BUD13: variants seen among roughly 807,000 people sequenced by gnomAD.
BUD13 encodes BUD13 homolog.
Under a neutral mutation model 62.5 loss-of-function variants are expected in BUD13, and 47 were observed. The observed-to-expected ratio is 0.75, with a 90% CI of 0.60 to 0.96. BUD13 has a LOEUF of 0.96. Ranked by LOEUF, BUD13 falls within the 40% of genes least tolerant of loss-of-function variation. The pLI is 0.00. For synonymous variants in BUD13, 293 were observed against 280.1 expected (o/e 1.05, Z -0.46); for missense variants, 821 against 790.9 (o/e 1.04, Z -0.46).
chr11:116,765,461 A>C lies in BUD13; in HGVS notation c.238-15T>G. The stretch of plus-strand genomic sequence containing the variant: ...AACTCTGCCACCTGTGAGAGTAAAG[A>C]TTTCCTATCTTAGGAAATCCACAGG... On this transcript the variant is annotated splice_polypyrimidine_tract_variant and intron_variant, in intron 2 of 9. Coordinates refer to ENST00000260210, the MANE Select transcript of BUD13 (RefSeq NM_032725.4). 6.2e-7 allele frequency: 1 copy of C among 1,613,948 alleles called. No homozygotes were observed. The highest frequency in any genetic ancestry group is 8.5e-7 in the Non-Finnish European group (1 of 1,179,836).
rs750963365 is a variant in BUD13, at chr11:116,757,866, G to C, written c.1584C>G (p.Asp528Glu). The change falls in exon 8 of 10, where the codon GAC becomes GAG. Residue 528 changes from aspartate to glutamate, a missense_variant. By Grantham distance (45) the Asp-to-Glu change is conservative. Coordinates refer to ENST00000260210, the MANE Select transcript of BUD13 (RefSeq NM_032725.4). Reference protein sequence around the residue: ...MQKPLARYIDDEDLDRMLREQ... With the variant: ...MQKPLARYIDEEDLDRMLREQ... ...CTCTTAGCATCCTATCCAGATCTTC[G>C]TCATCAATATAGCGGGCCAGAGGCT... 4 of 1,614,046 alleles carry C rather than the reference G, an allele frequency of 2.5e-6. No homozygotes were observed. The highest frequency in any genetic ancestry group is 3.4e-6 in the Non-Finnish European group (4 of 1,180,024).
In BUD13 at chr11:116,762,732, T is replaced by C; in HGVS notation, c.857A>G (p.Lys286Arg). 6.2e-7 allele frequency: 1 copy of C among 1,614,192 alleles called. No homozygotes were observed. The highest frequency in any genetic ancestry group is 2.2e-5 in the East Asian group (1 of 44,874). ...PNVTYSLPRTKSGKAPERASS... is the reference protein window; with the variant it reads ...PNVTYSLPRTRSGKAPERASS... ...GGCTCTTTCTGGGGCTTTACCACTT[T>C]TGGTTCTGGGCAGGGAATAAGTGAC... Residue 286 changes from lysine to arginine, a missense_variant, in exon 4 of 10, where the codon AAA becomes AGA. Transcript: ENST00000260210.
At chr11:116,768,681 C>T (rs1187611236) in intron 2 of BUD13, among the ~76,000 whole-genome samples, 4 of 152,064 alleles carry the variant, frequency 2.6e-5, no homozygotes, top group African/African-American at 9.7e-5. Context: ...TACTAGCAAG[C>T]CCTCTTTTAA....
intron 2 of BUD13, among the ~76,000 whole-genome samples, chr11:116,766,469 T>C (rs1940531175): frequency 6.6e-6 from 1 of 152,200 alleles, no homozygotes; most frequent in Non-Finnish European, 1.5e-5. Context: ...TAACCCAGTT[T>C]TGAGATCTCT....
intron 1 of BUD13, among the ~76,000 whole-genome samples, chr11:116,772,297 T>C (rs1345782276): frequency 1.3e-5 from 2 of 152,252 alleles, no homozygotes; most frequent in African/African-American, 4.8e-5. Flanking sequence ...GAGGCTTAAA[T>C]AAACTTATAT....
chr11:116,757,622 G>T, intron 8 of BUD13, 144 bp downstream of exon 8: 3 of 1,118,094 alleles, frequency 2.7e-6, no homozygotes, highest in Non-Finnish European at 3.8e-6. Flanking sequence ...TATATAGAAA[G>T]ACCAATTGAG....
At chr11:116,752,924 C>G (rs1016085293) in intron 9 of BUD13, among the ~76,000 whole-genome samples, 10 of 152,176 alleles carry the variant, frequency 6.6e-5, no homozygotes, top group African/African-American at 2.4e-4. Context: ...CGCCACCACA[C>G]CTGGCTGTTG....
At chr11:116,758,200 T>C in intron 7 of BUD13, 69 bp downstream of exon 7, 2 of 1,587,966 alleles carry the variant, frequency 1.3e-6, no homozygotes, top group Non-Finnish European at 1.7e-6. Context: ...AAGTGAGTGA[T>C]CAGAAGAGCA....
intron 9 of BUD13, among the ~76,000 whole-genome samples, chr11:116,751,114 G>A (rs554363516): frequency 2.0e-5 from 3 of 152,228 alleles, no homozygotes; most frequent in South Asian, 2.1e-4. Context: ...CTTCCTTTGT[G>A]CTCCCAAAAC....
rs763973855 is a variant in BUD13, at chr11:116,770,218, G to T, written c.148C>A (p.Arg50=). 6 of 1,609,222 alleles carry T rather than the reference G, an allele frequency of 3.7e-6. No homozygotes were observed. In the South Asian group the frequency reaches 4.4e-5, roughly 12 times the overall value. Reference sequence around the variant, plus strand: ...CAGCTCACATCATCATCCACAATCCGCATTCTAAATGAGAATAAGAAGATC... The same window carrying T: ...CAGCTCACATCATCATCCACAATCCTCATTCTAAATGAGAATAAGAAGATC... ...KPGGAGGKGM[R]IVDDDVSWTA... Residue 50 remains arginine, a synonymous_variant, in exon 2 of 10, where the codon CGG becomes AGG. Coordinates refer to ENST00000260210, the MANE Select transcript of BUD13 (RefSeq NM_032725.4).
Position 116,750,433 on chromosome 11 carries a change from T to C in BUD13, c.1767-1858A>G, listed in dbSNP as rs142857756. On this transcript the variant is annotated intron_variant, in intron 9 of 9. Coordinates refer to ENST00000260210, the MANE Select transcript of BUD13 (RefSeq NM_032725.4). ...ACTTTTCATTCACTCCTTAATACAT[T>C]AGAACCTGGCCATTGTTTCACTACA... is the stretch of plus-strand genomic sequence containing the variant. Among the ~76,000 whole-genome samples, 14 of 152,348 alleles carry C rather than the reference T, an allele frequency of 9.2e-5. No homozygotes were observed. In the East Asian group the frequency reaches 2.5e-3, roughly 27 times the overall value.
chr11:116,754,709 T>A (rs1336837794), intron 9 of BUD13, among the ~76,000 whole-genome samples: 1 of 152,204 alleles, frequency 6.6e-6, no homozygotes, highest in Non-Finnish European at 1.5e-5. Flanking sequence ...TCTCACTACT[T>A]CTATTCAACA....
At chr11:116,762,327 C>T (rs1940444347) in intron 4 of BUD13, among the ~76,000 whole-genome samples, 1 of 152,174 alleles carries the variant, frequency 6.6e-6, no homozygotes, top group Non-Finnish European at 1.5e-5. Flanking sequence ...AAAGCTTCTG[C>T]AACAAATAAA....
At chr11:116,767,090 A>C (rs769311009) in intron 2 of BUD13, among the ~76,000 whole-genome samples, 74 of 152,088 alleles carry the variant, frequency 4.9e-4, no homozygotes, top group Non-Finnish European at 9.3e-4. Context: ...TGGGAGGCTG[A>C]GGCAGGAGGT....
At chr11:116,753,181 T>C (rs1455305742) in intron 9 of BUD13, among the ~76,000 whole-genome samples, 1 of 152,184 alleles carries the variant, frequency 6.6e-6, no homozygotes, top group East Asian at 1.9e-4. Context: ...CCAAACAGCA[T>C]GGCTCATGAA....
rs1485144229 is a variant in BUD13, at chr11:116,770,279, T to A, written c.144-57A>T. The A allele has an allele frequency of 2.8e-6, 4 of 1,452,756 alleles. No individual in the cohort carries two copies. In the African/African-American group the frequency reaches 5.8e-5, roughly 21 times the overall value. 90.0% of individuals were successfully genotyped at this position (1,452,756 alleles called of 1,614,324 possible). A position where few individuals can be genotyped will look rare whatever the true frequency, so the allele number is the denominator to read the frequency against. The stretch of plus-strand genomic sequence containing the variant: ...ATTCTAGGATACCAGCATAAAAACA[T>A]TTATCTATTGGTTTTAAAATAAAGT... On this transcript the variant is annotated intron_variant, in intron 1 of 9. Transcript: ENST00000260210.
At chr11:116,752,943 C>T (rs180327) in intron 9 of BUD13, among the ~76,000 whole-genome samples, 87,995 of 151,992 alleles carry the variant, frequency 0.58, 25,872 homozygotes, top group East Asian at 0.63. Flanking sequence ...TGGATTTTGA[C>T]GGCACCCCGA....
At position 116,754,206 on chromosome 11, in the gene BUD13, C is replaced by T. The variant is rs139524394; in HGVS notation, c.1766+2940G>A. Reference sequence around the variant, plus strand: ...GACTATAGGCGTGTGCCACCATGCCCGACTAATTTTTGTATTTTTTTGTAG... The same window carrying T: ...GACTATAGGCGTGTGCCACCATGCCTGACTAATTTTTGTATTTTTTTGTAG... On this transcript the variant is annotated intron_variant, in intron 9 of 9. Coordinates refer to ENST00000260210, the MANE Select transcript of BUD13 (RefSeq NM_032725.4). Among the ~76,000 whole-genome samples the T allele has an allele frequency of 5.9e-3, 902 of 152,210 alleles. 7 individuals carry two copies. Among genetic ancestry groups the T allele is most frequent in the Non-Finnish European group, 9.6e-3 (655 of 68,016 alleles).
intron 7 of BUD13, 146 bp from the exon 8 acceptor site, chr11:116,758,096 C>CCA: frequency 7.2e-7 from 1 of 1,397,942 alleles, no homozygotes. Flanking sequence ...CCCAGAATAC[C>CCA]CACTAGAAGC....
Sources: allele counts gnomAD v4.1 joint callset (sites outside exome capture counted in the v4.1 genomes callset), GRCh38; gene constraint gnomAD v4.1.1; transcripts MANE v1.5; gene names NCBI Gene and HGNC (gene_info 2026-07-23, HGNC 2026-07-21).